Variants in IL17RD observed in about 807,000 individuals in gnomAD.
The protein encoded by IL17RD is interleukin 17 receptor D, also known as interleukin-17 receptor D.
Under a neutral mutation model 80.5 loss-of-function variants are expected in IL17RD, and 52 were observed. That is an observed-to-expected ratio of 0.65 (90% CI 0.52 to 0.81). The LOEUF (loss-of-function observed/expected upper bound fraction) is 0.81, where lower values mean the gene tolerates loss of function less well. IL17RD is among the 40% of genes least tolerant of loss of function. The pLI is 0.00. For missense variants in IL17RD, 1,024 were observed against 955.1 expected (o/e 1.07, Z -0.95); for synonymous variants, 416 against 391.8 (o/e 1.06, Z -0.73).
intron 2 of IL17RD, among the ~76,000 whole-genome samples, chr3:57,115,631 C>T (rs12487790): frequency 0.65 from 98,378 of 152,098 alleles, 33,183 homozygotes; most frequent in Non-Finnish European, 0.74. Flanking sequence ...AATCAGGCTG[C>T]GACTTCAGAG....
chr3:57,135,107 CAAAACAAACA>C (rs752059607), intron 1 of IL17RD, among the ~76,000 whole-genome samples: 47 of 151,200 alleles, frequency 3.1e-4, no homozygotes, highest in Non-Finnish European at 3.4e-4. Flanking sequence ...GACCTTGTCT[CAAAACAAACA>C]AAAACAAACA....
At chr3:57,136,157 A>G (rs938652662) in intron 1 of IL17RD, among the ~76,000 whole-genome samples, 12 of 152,234 alleles carry the variant, frequency 7.9e-5, no homozygotes, top group Admixed American at 3.9e-4. Flanking sequence ...CAATCACATT[A>G]CAGCCGTGTG....
Position 57,096,480 on chromosome 3 carries a change from A to C in IL17RD, c.2133T>G (p.Pro711=), listed in dbSNP as rs1228408606. ...GLGEEEPPAL[P]SKLLSSGSCK... ...ATGACCCAGAAGAGAGGAGCTTGGA[A>C]GGAAGGGCAGGAGGTTCCTCCTCAC... The change falls in exon 13 of 13, where the codon CCT becomes CCG. Residue 711 remains proline, a synonymous_variant. Coordinates refer to ENST00000296318, the MANE Select transcript of IL17RD (RefSeq NM_017563.5). 6.2e-7 allele frequency: 1 copy of C among 1,613,502 alleles called. No individual in the cohort carries two copies. Among genetic ancestry groups the C allele is most frequent in the Non-Finnish European group, 8.5e-7 (1 of 1,179,522 alleles).
At chr3:57,140,874 G>C (rs1707815129) in intron 1 of IL17RD, among the ~76,000 whole-genome samples, 1 of 151,258 alleles carries the variant, frequency 6.6e-6, no homozygotes, top group Non-Finnish European at 1.5e-5. Flanking sequence ...CAGTAGCAGA[G>C]CTGTGACTGA....
chr3:57,112,046 G>A (rs533373784), intron 3 of IL17RD, among the ~76,000 whole-genome samples: 19 of 152,112 alleles, frequency 1.2e-4, no homozygotes, highest in African/African-American at 4.6e-4. Context: ...TAAAAGATTA[G>A]CCTAAAAACC....
chr3:57,113,264 T>C (rs558158624), intron 3 of IL17RD, among the ~76,000 whole-genome samples: 2 of 152,158 alleles, frequency 1.3e-5, no homozygotes, highest in Non-Finnish European at 2.9e-5. Context: ...TGAGACAGAG[T>C]TTCCCTCTTG....
chr3:57,161,249 G>C (rs887610184), intron 1 of IL17RD, among the ~76,000 whole-genome samples: 1 of 152,222 alleles, frequency 6.6e-6, no homozygotes, highest in Non-Finnish European at 1.5e-5. Context: ...ATGGCCATAC[G>C]ATAGGCAGAC....
At position 57,096,312 on chromosome 3, in the gene IL17RD, G is replaced by T; in HGVS notation, c.*81C>A. The T allele has an allele frequency of 1.1e-6, 1 of 911,818 alleles. No individual in the cohort carries two copies. Among genetic ancestry groups the T allele is most frequent in the Non-Finnish European group, 1.9e-6 (1 of 539,952 alleles). 56.5% of individuals were successfully genotyped at this position (911,818 alleles called of 1,614,324 possible). A position where few individuals can be genotyped will look rare whatever the true frequency, so the allele number is the denominator to read the frequency against. On this transcript the variant is annotated 3_prime_UTR_variant, in exon 13 of 13. Coordinates refer to ENST00000296318, the MANE Select transcript of IL17RD (RefSeq NM_017563.5). ...TTGTATGAGACCTCAGCTCCAAGTG[G>T]GCCATGCAACCAGGGAGATGAGCTG...
At chr3:57,127,315 A>AT (rs1707500165) in intron 1 of IL17RD, among the ~76,000 whole-genome samples, 3 of 81,256 alleles carry the variant, frequency 3.7e-5, no homozygotes, top group East Asian at 4.5e-4. Flanking sequence ...AAAATATATA[A>AT]AAATATATAT....
chr3:57,119,551 G>GAAAAAAAA (rs1707289384), intron 2 of IL17RD, among the ~76,000 whole-genome samples: 1 of 151,902 alleles, frequency 6.6e-6, no homozygotes, highest in Admixed American at 6.6e-5. Flanking sequence ...GAAAAGAAAA[G>GAAAAAAAA]AGAAAAGAAC....
upstream of IL17RD, among the ~76,000 whole-genome samples, chr3:57,168,051 C>T (rs1362304710): frequency 1.3e-5 from 2 of 152,124 alleles, no homozygotes; most frequent in African/African-American, 2.4e-5. Flanking sequence ...AGGCTGGTCT[C>T]GAACTCCTAA....
At chr3:57,153,618 A>G (rs1359718384) in intron 1 of IL17RD, among the ~76,000 whole-genome samples, 11 of 152,242 alleles carry the variant, frequency 7.2e-5, no homozygotes, top group Non-Finnish European at 1.6e-4. Flanking sequence ...AAGTGTAGCA[A>G]AACGTTATGA....
chr3:57,140,157 T>C (rs1486715594), intron 1 of IL17RD, among the ~76,000 whole-genome samples: 1 of 152,192 alleles, frequency 6.6e-6, no homozygotes, highest in Non-Finnish European at 1.5e-5. Context: ...TCCCACATTA[T>C]GGAGAAGAAC....
chr3:57,098,272 GGCGATAAACTT>G lies in IL17RD; in HGVS notation c.1420_1430del (p.Lys474ArgfsTer4). 6.2e-7 allele frequency: 1 copy of G among 1,613,922 alleles called. No homozygotes were observed. Among genetic ancestry groups the G allele is most frequent in the Non-Finnish European group, 8.5e-7 (1 of 1,179,866 alleles). On this transcript the variant is annotated frameshift_variant, in exon 12 of 13. Coordinates refer to ENST00000296318, the MANE Select transcript of IL17RD (RefSeq NM_017563.5). LOFTEE classifies it high-confidence loss of function. ...CCTCGCAGGAATAATCAAAGTAGAC[GGCGATAAACTT>G]GCTGAGCGCCGCGGACGAACTCTGC... is the stretch of plus-strand genomic sequence containing the variant.
At chr3:57,117,333 C>T (rs1316098287) in intron 2 of IL17RD, among the ~76,000 whole-genome samples, 1 of 152,212 alleles carries the variant, frequency 6.6e-6, no homozygotes, top group East Asian at 1.9e-4. Context: ...AGGTTGGTCT[C>T]GAACTCCTGA....
At chr3:57,103,291 T>C in intron 8 of IL17RD, 146 bp from the exon 9 acceptor site, 1 of 656,588 alleles carries the variant, frequency 1.5e-6, no homozygotes, top group Admixed American at 2.6e-5. Context: ...GGCTGAGTTT[T>C]GGAAAAGAAT....
intron 1 of IL17RD, among the ~76,000 whole-genome samples, chr3:57,164,652 T>A (rs1380873489): frequency 6.6e-6 from 1 of 151,970 alleles, no homozygotes; most frequent in Non-Finnish European, 1.5e-5. Flanking sequence ...GGAACAAAGC[T>A]ACTAGAAGAG....
rs1553623052 is a variant in IL17RD at position 57,105,552 on chromosome 3, A to AT, written c.747+304_747+305insA. On this transcript the variant is annotated intron_variant, in intron 7 of 12. Coordinates refer to ENST00000296318, the MANE Select transcript of IL17RD (RefSeq NM_017563.5). The stretch of plus-strand genomic sequence containing the variant: ...ACTCCATCTCAAAAAAAAAAAAAAA[A>AT]ATATATATATATATATATTTGTTCA... 9.5e-3 allele frequency among the ~76,000 whole-genome samples: 604 copies of AT among 63,576 alleles called. 19 individuals carry two copies. The highest frequency in any genetic ancestry group is 0.033 in the African/African-American group (352 of 10,728). 41.7% of individuals were successfully genotyped at this position (63,576 alleles called of 152,430 possible).
intron 11 of IL17RD, among the ~76,000 whole-genome samples, chr3:57,100,019 C>T (rs944858233): frequency 3.9e-5 from 6 of 152,172 alleles, no homozygotes; most frequent in Non-Finnish European, 4.4e-5. Flanking sequence ...CTAAGATTTT[C>T]CTTAATCAGT....
Sources: allele counts gnomAD v4.1 joint callset (sites outside exome capture counted in the v4.1 genomes callset), GRCh38; gene constraint gnomAD v4.1.1; transcripts MANE v1.5; gene names NCBI Gene and HGNC (gene_info 2026-07-23, HGNC 2026-07-21).